PPP2R2B: variants seen among roughly 807,000 people sequenced by gnomAD.
The protein encoded by PPP2R2B is serine/threonine-protein phosphatase 2A 55 kDa regulatory subunit B beta isoform.
Under a neutral mutation model 46.0 loss-of-function variants are expected in PPP2R2B, and 5 were observed. The observed-to-expected ratio is 0.11, with a 90% CI of 0.06 to 0.23. PPP2R2B has a LOEUF of 0.23. Among genes scored for constraint, PPP2R2B ranks in the 10% least tolerant of loss-of-function variants. PPP2R2B has a pLI of 1.00. For synonymous variants in PPP2R2B, 215 were observed against 206.7 expected (o/e 1.04, Z -0.34); for missense variants, 367 against 575.0 (o/e 0.64, Z 3.70).
intron 2 of PPP2R2B, among the ~76,000 whole-genome samples, chr5:147,071,911 G>T (rs1757612670): frequency 6.6e-6 from 1 of 152,176 alleles, no homozygotes. Flanking sequence ...CAGATATTTT[G>T]ATAGCAGTTT....
At chr5:146,886,780 C>G (rs926286561) in intron 1 of PPP2R2B, among the ~76,000 whole-genome samples, 14 of 151,476 alleles carry the variant, frequency 9.2e-5, no homozygotes, top group African/African-American at 3.4e-4. Flanking sequence ...TATTTTAGAA[C>G]ATGCATCATT....
upstream of PPP2R2B, among the ~76,000 whole-genome samples, chr5:146,880,035 C>T (rs1762111726): frequency 6.6e-6 from 1 of 152,134 alleles, no homozygotes. Context: ...AAAACAAGTC[C>T]TTAACTGAGG....
At chr5:146,982,104 T>C (rs1399734160) in intron 1 of PPP2R2B, among the ~76,000 whole-genome samples, 1 of 152,202 alleles carries the variant, frequency 6.6e-6, no homozygotes, top group Non-Finnish European at 1.5e-5. Flanking sequence ...TTTTTCTTCC[T>C]CCTTGCTTTG....
chr5:146,783,457 A>G (rs1755655669), intron 2 of PPP2R2B, among the ~76,000 whole-genome samples: 1 of 152,134 alleles, frequency 6.6e-6, no homozygotes, highest in Non-Finnish European at 1.5e-5. Flanking sequence ...ATCTGTCTGG[A>G]CCCGTCATTT....
chr5:146,877,973 A>G (rs902733750), intron 2 of PPP2R2B, 29 bp downstream of exon 2: 2 of 1,606,412 alleles, frequency 1.2e-6, no homozygotes, highest in South Asian at 2.2e-5. Context: ...CCCGGCCCCA[A>G]CGGCGGAATG....
intron 6 of PPP2R2B, among the ~76,000 whole-genome samples, chr5:146,647,695 G>A (rs1330004209): frequency 6.6e-6 from 1 of 152,160 alleles, no homozygotes; most frequent in Non-Finnish European, 1.5e-5. Flanking sequence ...CCCCCTTGAA[G>A]GCCTAGAGGC....
At chr5:146,885,393 C>T (rs996137885) in intron 1 of PPP2R2B, among the ~76,000 whole-genome samples, 1 of 152,168 alleles carries the variant, frequency 6.6e-6, no homozygotes, top group Non-Finnish European at 1.5e-5. Context: ...CTGGAGGTCT[C>T]TTTCCAAACC....
intron 1 of PPP2R2B, among the ~76,000 whole-genome samples, chr5:146,905,908 T>C (rs1415553234): frequency 6.6e-6 from 1 of 152,162 alleles, no homozygotes. Context: ...CTCTGTGCTA[T>C]CCAGTATGGA....
At chr5:146,855,327 T>C (rs1760592326) in intron 2 of PPP2R2B, among the ~76,000 whole-genome samples, 1 of 152,198 alleles carries the variant, frequency 6.6e-6, no homozygotes, top group African/African-American at 2.4e-5. Context: ...TATTATTTTA[T>C]ATAAAAACAC....
chr5:147,009,505 A>G (rs945946044), intron 1 of PPP2R2B, among the ~76,000 whole-genome samples: 1 of 152,138 alleles, frequency 6.6e-6, no homozygotes, highest in African/African-American at 2.4e-5. Context: ...GACATGTTGT[A>G]TACAGTTTTA....
chr5:146,674,571 A>C (rs1190683079), intron 5 of PPP2R2B, among the ~76,000 whole-genome samples: 1 of 152,152 alleles, frequency 6.6e-6, no homozygotes, highest in Non-Finnish European at 1.5e-5. Context: ...TTCTGGTCCT[A>C]AGGAATGTAA....
chr5:146,752,564 A>G (rs1753620500), intron 2 of PPP2R2B, among the ~76,000 whole-genome samples: 1 of 152,214 alleles, frequency 6.6e-6, no homozygotes, highest in Non-Finnish European at 1.5e-5. Context: ...CAATATCTTT[A>G]GTACCTAATT....
At chr5:146,629,746 C>G (rs1369061118) in intron 7 of PPP2R2B, among the ~76,000 whole-genome samples, 1 of 151,306 alleles carries the variant, frequency 6.6e-6, no homozygotes, top group Non-Finnish European at 1.5e-5. Context: ...TCCCTTCCTC[C>G]CTCCCTCCCC....
chr5:146,670,040 T>A (rs1777245628), intron 5 of PPP2R2B, among the ~76,000 whole-genome samples: 1 of 152,166 alleles, frequency 6.6e-6, no homozygotes, highest in Non-Finnish European at 1.5e-5. Context: ...GTTCACAAAA[T>A]TATGACACTT....
intron 1 of PPP2R2B, among the ~76,000 whole-genome samples, chr5:147,036,463 C>T (rs916070026): frequency 5.3e-5 from 8 of 152,128 alleles, no homozygotes; most frequent in Non-Finnish European, 7.4e-5. Flanking sequence ...GTGAATAATT[C>T]TGTAATGAAC....
intron 1 of PPP2R2B, among the ~76,000 whole-genome samples, chr5:147,022,235 G>C (rs2151885710): frequency 6.6e-6 from 1 of 152,016 alleles, no homozygotes; most frequent in South Asian, 2.1e-4. Context: ...GTAAAGCGTG[G>C]GCAGAAAAAA....
intron 4 of PPP2R2B, among the ~76,000 whole-genome samples, chr5:146,694,345 T>A (rs1402630459): frequency 6.6e-6 from 1 of 152,196 alleles, no homozygotes; most frequent in Non-Finnish European, 1.5e-5. Context: ...TGGGCCATAT[T>A]TATATAGTCA....
At chr5:146,614,198 A>T (rs1392003582) in intron 7 of PPP2R2B, among the ~76,000 whole-genome samples, 4 of 122,730 alleles carry the variant, frequency 3.3e-5, no homozygotes, top group Non-Finnish European at 6.3e-5. Context: ...ATAATGTCGC[A>T]TATCTACAAC....
At chr5:146,973,256 C>T (rs780993163) in intron 1 of PPP2R2B, among the ~76,000 whole-genome samples, 6 of 152,100 alleles carry the variant, frequency 3.9e-5, no homozygotes, top group Non-Finnish European at 7.4e-5. Context: ...ATAATTTTGC[C>T]GGAAAAATGT....
Sources: allele counts gnomAD v4.1 joint callset (sites outside exome capture counted in the v4.1 genomes callset), GRCh38; gene constraint gnomAD v4.1.1; transcripts MANE v1.5; gene names NCBI Gene and HGNC (gene_info 2026-07-23, HGNC 2026-07-21).